Variants in RANBP2 observed in about 807,000 individuals in gnomAD.
RANBP2 encodes the protein E3 SUMO-protein ligase RanBP2.
Under a neutral mutation model 303.6 loss-of-function variants are expected in RANBP2, and 57 were observed. The ratio of observed to expected loss-of-function variants is 0.19; its 90% CI spans 0.15 to 0.23. The LOEUF (loss-of-function observed/expected upper bound fraction) is 0.23. Among genes scored for constraint, RANBP2 ranks in the 10% least tolerant of loss-of-function variants. RANBP2 has a pLI of 1.00. For synonymous variants in RANBP2, 1,167 were observed against 1,301.5 expected, an observed-to-expected ratio of 0.90 and a Z score of 2.23; for missense variants, 3,138 against 3,780.8, an observed-to-expected ratio of 0.83 and a Z score of 4.46.
the RANBP2 span, among the ~76,000 whole-genome samples, chr2:109,179,715 A>G: frequency 6.6e-6 from 1 of 152,242 alleles, no homozygotes; most frequent in Non-Finnish European, 1.5e-5. Context: ...CCCTACCCTG[A>G]TGGCTTTATC....
At chr2:109,419,564 C>T in the RANBP2 span, 4 of 1,598,206 alleles carry the variant, frequency 2.5e-6, no homozygotes, top group African/African-American at 1.3e-5. Flanking sequence ...GCGGGATCTA[C>T]CCCCACGGCT....
At chr2:108,865,281 T>C in the RANBP2 span, among the ~76,000 whole-genome samples, 2 of 152,208 alleles carry the variant, frequency 1.3e-5, no homozygotes, top group African/African-American at 2.4e-5. Context: ...TTGGCTAATA[T>C]AAACAGTGCT....
At chr2:108,989,219 T>A in the RANBP2 span, 1 of 152,832 alleles carries the variant, frequency 6.5e-6, no homozygotes, top group African/African-American at 2.4e-5. Context: ...GTCTGCAAGT[T>A]TGGAAACTCA....
At chr2:108,791,887 G>A in the RANBP2 span, 2 of 1,322,968 alleles carry the variant, frequency 1.5e-6, no homozygotes, top group Admixed American at 5.1e-5. Flanking sequence ...TAATAACACT[G>A]GCCCCCAAGA....
At chr2:109,314,230 A>T in the RANBP2 span, among the ~76,000 whole-genome samples, 2 of 152,152 alleles carry the variant, frequency 1.3e-5, no homozygotes, top group Non-Finnish European at 2.9e-5. Flanking sequence ...GGTCATGTAT[A>T]TTTAATGCTG....
At chr2:109,482,756 G>C in the RANBP2 span, among the ~76,000 whole-genome samples, 1 of 152,206 alleles carries the variant, frequency 6.6e-6, no homozygotes, top group Non-Finnish European at 1.5e-5. Flanking sequence ...AGGAAGGGCA[G>C]GGAACAACTG....
intron 7 of RANBP2, 78 bp downstream of exon 7, chr2:108,740,759 G>A: frequency 1.3e-6 from 2 of 1,594,042 alleles, no homozygotes; most frequent in Non-Finnish European, 1.7e-6. Context: ...GCTCTGGTAT[G>A]TAATGACAAT....
the RANBP2 span, among the ~76,000 whole-genome samples, chr2:109,302,637 C>T: frequency 2.0e-5 from 3 of 152,190 alleles, no homozygotes; most frequent in African/African-American, 2.4e-5. Context: ...CAGCCCAGGC[C>T]GCCAGGTCTG....
At chr2:109,601,869 T>C in the RANBP2 span, among the ~76,000 whole-genome samples, 2 of 152,088 alleles carry the variant, frequency 1.3e-5, no homozygotes, top group Non-Finnish European at 2.9e-5. Flanking sequence ...CAAGGAAATA[T>C]GACTTTTTCC....
chr2:109,023,790 C>T, the RANBP2 span, among the ~76,000 whole-genome samples: 1 of 152,152 alleles, frequency 6.6e-6, no homozygotes, highest in Non-Finnish European at 1.5e-5. Flanking sequence ...GCTTGGGCAG[C>T]AAAGTTAGAC....
At chr2:109,038,577 GA>G in the RANBP2 span, among the ~76,000 whole-genome samples, 1 of 152,142 alleles carries the variant, frequency 6.6e-6, no homozygotes, top group South Asian at 2.1e-4. Context: ...AAGACCTTAT[GA>G]AGAAGACCTA....
the RANBP2 span, among the ~76,000 whole-genome samples, chr2:109,517,478 G>A: frequency 1.3e-5 from 2 of 152,128 alleles, no homozygotes; most frequent in African/African-American, 4.8e-5. Context: ...TCCAAACACC[G>A]CAGGTTCGGA....
At chr2:108,796,173 C>G in the RANBP2 span, among the ~76,000 whole-genome samples, 3,674 of 152,058 alleles carry the variant, frequency 0.024, 145 homozygotes, top group African/African-American at 0.084. Context: ...CTCAGCCTCC[C>G]GAGTAGCTGG....
the RANBP2 span, among the ~76,000 whole-genome samples, chr2:109,222,058 A>G: frequency 6.6e-6 from 1 of 152,208 alleles, no homozygotes; most frequent in South Asian, 2.1e-4. Context: ...ACATGGATGA[A>G]ACTGCAGGTG....
the RANBP2 span, among the ~76,000 whole-genome samples, chr2:108,792,168 T>C: frequency 3.2e-3 from 490 of 152,308 alleles, 1 homozygote; most frequent in Non-Finnish European, 3.4e-3. Context: ...CTGCATTTCA[T>C]AGTTGTGGCG....
chr2:109,334,665 A>G, the RANBP2 span, among the ~76,000 whole-genome samples: 1 of 152,188 alleles, frequency 6.6e-6, no homozygotes, highest in Non-Finnish European at 1.5e-5. Context: ...AATAATGCAG[A>G]CAAGAGGGAA....
At chr2:109,513,805 G>A in the RANBP2 span, among the ~76,000 whole-genome samples, 7 of 152,196 alleles carry the variant, frequency 4.6e-5, no homozygotes, top group Non-Finnish European at 1.0e-4. Context: ...GGCCAGGGGT[G>A]TAGGGGATTG....
chr2:108,804,868 GTT>G, the RANBP2 span: 6 of 1,359,442 alleles, frequency 4.4e-6, no homozygotes, highest in African/African-American at 1.5e-5. Context: ...TTAGATGAGA[GTT>G]TTTTTTTTCT....
chr2:109,613,628 C>T, the RANBP2 span: 1 of 386,640 alleles, frequency 2.6e-6, no homozygotes. Flanking sequence ...GCTCCTCTCC[C>T]GCCCCAGGCG....
Sources: gnomAD v4.1 joint callset for allele counts (sites outside exome capture counted in the v4.1 genomes callset) on GRCh38, gnomAD v4.1.1 for gene constraint, MANE v1.5 for transcripts, NCBI Gene and HGNC (gene_info 2026-07-23, HGNC 2026-07-21) for gene names.